SLC6A6: variants seen among roughly 807,000 people sequenced by gnomAD.
SLC6A6 encodes solute carrier family 6 member 6.
SLC6A6 carries 16 observed loss-of-function variants against 68.8 expected under a neutral mutation model. That is an observed-to-expected ratio of 0.23 (90% CI 0.16 to 0.35). The LOEUF (loss-of-function observed/expected upper bound fraction) is 0.35, where lower values mean the gene tolerates loss of function less well. Ranked by LOEUF, SLC6A6 falls within the 10% of genes least tolerant of loss-of-function variation. The pLI is 1.00. For synonymous variants in SLC6A6, 312 were observed against 315.4 expected (o/e 0.99, Z 0.12); for missense variants, 474 against 802.8 (o/e 0.59, Z 4.95).
In SLC6A6 at chr3:14,420,728, T is replaced by C. The variant is rs558286714; in HGVS notation, c.-12+4275T>C. 3.8e-4 allele frequency among the ~76,000 whole-genome samples: 58 copies of C among 152,270 alleles called. 1 individual carries two copies. In the South Asian group the frequency reaches 0.012, roughly 31 times the overall value. ...CAAACTTCTGGGCTCAAGTGATCCT[T>C]CTGACTTGGCCTTCCAAAGTTCTGG... On this transcript the variant is annotated intron_variant, in intron 2 of 14. Transcript: ENST00000622186.
At chr3:14,458,131 G>T (rs774245573) in intron 6 of SLC6A6, 49 bp downstream of exon 6, 1 of 1,580,382 alleles carries the variant, frequency 6.3e-7, no homozygotes, top group Non-Finnish European at 8.7e-7. Flanking sequence ...GCTGTGCCAG[G>T]CTGGCCCTCT....
chr3:14,429,366 ACT>A (rs1291498615), intron 2 of SLC6A6, among the ~76,000 whole-genome samples: 1 of 151,794 alleles, frequency 6.6e-6, no homozygotes, highest in Non-Finnish European at 1.5e-5. Flanking sequence ...GGAATAAGAG[ACT>A]CTCTGGCAAA....
At chr3:14,469,890 C>A (rs1196697728) in intron 9 of SLC6A6, among the ~76,000 whole-genome samples, 1 of 152,160 alleles carries the variant, frequency 6.6e-6, no homozygotes, top group African/African-American at 2.4e-5. Flanking sequence ...CCAAAGTGGA[C>A]CCTCAGATGT....
intron 1 of SLC6A6, among the ~76,000 whole-genome samples, chr3:14,411,776 T>C (rs989096105): frequency 6.6e-6 from 1 of 152,204 alleles, no homozygotes; most frequent in African/African-American, 2.4e-5. Context: ...CATCAATCCA[T>C]CCATCCATCT....
chr3:14,431,958 C>T (rs1699734446), intron 2 of SLC6A6, among the ~76,000 whole-genome samples: 1 of 152,162 alleles, frequency 6.6e-6, no homozygotes, highest in African/African-American at 2.4e-5. Flanking sequence ...GAGGGTAACA[C>T]TGAGGCTGAA....
In SLC6A6 at chr3:14,481,947, C is replaced by A; in HGVS notation, c.1722+106C>A. On this transcript the variant is annotated intron_variant, in intron 14 of 14. Coordinates refer to ENST00000622186, the MANE Select transcript of SLC6A6 (RefSeq NM_003043.6). The surrounding 1 kb of genome is among the most constrained non-coding windows in gnomAD (Gnocchi z 4.7). ...AGGCAAGTCACCTGCCCTCTCTGAG[C>A]CATAGTTCCCTCACCCATCCAGTGG... 2 of 883,154 alleles carry A rather than the reference C, an allele frequency of 2.3e-6. No individual in the cohort carries two copies. Among genetic ancestry groups the A allele is most frequent in the Non-Finnish European group, 3.5e-6 (2 of 565,556 alleles). 54.7% of individuals were successfully genotyped at this position (883,154 alleles called of 1,614,324 possible).
chr3:14,459,585 G>C (rs189708020), intron 6 of SLC6A6, among the ~76,000 whole-genome samples: 201 of 152,220 alleles, frequency 1.3e-3, no homozygotes, highest in African/African-American at 4.5e-3. Flanking sequence ...CAGTGAGCAC[G>C]GTCCTGCCCG....
intron 3 of SLC6A6, among the ~76,000 whole-genome samples, chr3:14,444,516 C>T (rs932580711): frequency 2.0e-5 from 3 of 152,074 alleles, no homozygotes; most frequent in Admixed American, 6.6e-5. Flanking sequence ...TCTTCTGTTA[C>T]GGGGTTGTGT....
At chr3:14,464,010 C>T (rs999322017) in intron 6 of SLC6A6, among the ~76,000 whole-genome samples, 3 of 152,208 alleles carry the variant, frequency 2.0e-5, no homozygotes, top group African/African-American at 7.2e-5. Flanking sequence ...GCAGAGGCAG[C>T]GTGCAACCCC....
chr3:14,420,989 G>T (rs1699472894), intron 2 of SLC6A6, among the ~76,000 whole-genome samples: 1 of 152,200 alleles, frequency 6.6e-6, no homozygotes, highest in South Asian at 2.1e-4. Flanking sequence ...GGGCTTGCTG[G>T]TCGAATGGGG....
chr3:14,460,376 T>C (rs1231393575), intron 6 of SLC6A6, among the ~76,000 whole-genome samples: 2 of 148,122 alleles, frequency 1.4e-5, no homozygotes, highest in Non-Finnish European at 3.0e-5. Flanking sequence ...GAATGGGGAG[T>C]GTTGGGAGCA....
chr3:14,479,041 C>A, intron 12 of SLC6A6, 44 bp from the exon 13 acceptor site: 2 of 1,303,338 alleles, frequency 1.5e-6, no homozygotes, highest in Non-Finnish European at 2.2e-6. Context: ...CTGCTGCTGG[C>A]CTTGAACGCT....
intron 2 of SLC6A6, among the ~76,000 whole-genome samples, chr3:14,440,712 C>T (rs369640024): frequency 1.9e-4 from 29 of 152,188 alleles, no homozygotes; most frequent in African/African-American, 6.3e-4. Context: ...GTTGCCATGG[C>T]GATAGAGAGC....
At chr3:14,410,774 C>T (rs1197297241) in intron 1 of SLC6A6, among the ~76,000 whole-genome samples, 1 of 152,196 alleles carries the variant, frequency 6.6e-6, no homozygotes, top group Non-Finnish European at 1.5e-5. Context: ...CACATAAATG[C>T]CAAGTGACTC....
At chr3:14,416,371 A>T (rs1559285277) in intron 1 of SLC6A6, 41 bp from the exon 2 acceptor site, 1 of 398,502 alleles carries the variant, frequency 2.5e-6, no homozygotes, top group South Asian at 1.3e-4. Flanking sequence ...GCCTCTGACC[A>T]GATCTCTTTC....
In SLC6A6 at chr3:14,487,382, T is replaced by TGTGCAGAGCACAGCTCTGC. The variant is rs1386106543; in HGVS notation, c.*2385_*2386insCAGCTCTGCGTGCAGAGCA. On this transcript the variant is annotated 3_prime_UTR_variant, in exon 15 of 15. Coordinates refer to ENST00000622186, the MANE Select transcript of SLC6A6 (RefSeq NM_003043.6). ...TCTCGCCCAGCCAGCCCTGGCTCTGTGTGCAGAGCATAGCTCTGCGAGTAC... is the reference window on the plus strand; with the variant it reads ...TCTCGCCCAGCCAGCCCTGGCTCTGTGTGCAGAGCACAGCTCTGCGTGCAGAGCATAGCTCTGCGAGTAC... The TGTGCAGAGCACAGCTCTGC allele has an allele frequency of 2.0e-5, 3 of 152,572 alleles. No homozygotes were observed. The highest frequency in any genetic ancestry group is 7.2e-5 in the African/African-American group (3 of 41,442). 9.5% of individuals were successfully genotyped at this position (152,572 alleles called of 1,614,324 possible). A position where few individuals can be genotyped will look rare whatever the true frequency, so the allele number is the denominator to read the frequency against.
chr3:14,432,410 G>T (rs1699746279), intron 2 of SLC6A6, among the ~76,000 whole-genome samples: 1 of 152,240 alleles, frequency 6.6e-6, no homozygotes, highest in Admixed American at 6.5e-5. Context: ...CTGTCCTGTC[G>T]CTGGTGAGTC....
intron 1 of SLC6A6, among the ~76,000 whole-genome samples, chr3:14,404,472 T>C (rs1385201475): frequency 6.6e-6 from 1 of 152,212 alleles, no homozygotes; most frequent in Non-Finnish European, 1.5e-5. Context: ...CAGCCCCCAG[T>C]TGACCTTGGG....
In SLC6A6 at chr3:14,472,165, C is replaced by A; in HGVS notation, c.1097-40C>A. 7.9e-7 allele frequency: 1 copy of A among 1,272,598 alleles called. No individual in the cohort carries two copies. The highest frequency in any genetic ancestry group is 1.1e-6 in the Non-Finnish European group (1 of 870,678). 78.8% of individuals were successfully genotyped at this position (1,272,598 alleles called of 1,614,324 possible). A position where few individuals can be genotyped will look rare whatever the true frequency, so the allele number is the denominator to read the frequency against. On this transcript the variant is annotated intron_variant, in intron 9 of 14. Transcript: ENST00000622186. This position sits in a 1 kb window ranked among gnomAD's most constrained non-coding sequence, Gnocchi z 4.5. ...TTCCCAGTGGCTTGGTGGCTGATGT[C>A]TCCTCCCCTGTGCCCCTCCCCGTTT...
Sources: gnomAD v4.1 joint callset for allele counts (sites outside exome capture counted in the v4.1 genomes callset) on GRCh38, gnomAD v4.1.1 for gene constraint, Gnocchi (gnomAD v3.1) non-coding constraint, MANE v1.5 for transcripts, NCBI Gene and HGNC (gene_info 2026-07-23, HGNC 2026-07-21) for gene names.